PDZD4: variants seen among roughly 807,000 people sequenced by gnomAD.
PDZD4 encodes the protein PDZ domain-containing protein 4.
In PDZD4, 9 loss-of-function variants were observed where a neutral mutation model predicts 38.5. The ratio of observed to expected loss-of-function variants is 0.23; its 90% CI spans 0.14 to 0.41. The LOEUF (loss-of-function observed/expected upper bound fraction) is 0.41. Among genes scored for constraint, PDZD4 ranks in the 10% least tolerant of loss-of-function variants. The pLI, the probability that PDZD4 is intolerant of heterozygous loss-of-function variation, is 1.00. For synonymous variants in PDZD4, 349 were observed against 315.7 expected (o/e 1.11, Z -1.12); for missense variants, 612 against 722.0 (o/e 0.85, Z 1.75).
chrX:153,803,033 C>A lies in PDZD4; in HGVS notation c.*320G>T. The A allele has an allele frequency of 5.1e-6, 1 of 194,951 alleles. No homozygotes were observed. Among genetic ancestry groups the A allele is most frequent in the Non-Finnish European group, 9.5e-6 (1 of 105,343 alleles). The allele number at this position is 194,951 out of a possible 1,213,427, so 16.1% of individuals were successfully genotyped here. A position where few individuals can be genotyped will look rare whatever the true frequency, so the allele number is the denominator to read the frequency against. Reference sequence around the variant, plus strand: ...AGAGCACTGGGTGTGTGTGTGCGTGCACGTGCAAGCACACGCAAGAGCATG... The same window carrying A: ...AGAGCACTGGGTGTGTGTGTGCGTGAACGTGCAAGCACACGCAAGAGCATG... On this transcript the variant is annotated 3_prime_UTR_variant, in exon 8 of 8. Coordinates refer to ENST00000393758, the MANE Select transcript of PDZD4 (RefSeq NM_001303512.2).
In PDZD4 at chrX:153,804,409, C is replaced by T; in HGVS notation, c.1272G>A (p.Arg424=). The change falls in exon 8 of 8, where the codon CGG becomes CGA. Residue 424 remains arginine, a synonymous_variant. Transcript: ENST00000393758. Reference sequence around the variant, plus strand: ...CACGCAGCTGCTGCATCTTCTGCGCCCGCAGTATGTTGCGGCACTTGAATT... The same window carrying T: ...CACGCAGCTGCTGCATCTTCTGCGCTCGCAGTATGTTGCGGCACTTGAATT... ...HLEFKCRNIL[R]AQKMQQLRER... is the part of the protein sequence containing the mutation. The T allele has an allele frequency of 8.3e-7, 1 of 1,209,992 alleles. No individual in the cohort carries two copies.
rs2064485026 is a variant in PDZD4 at position 153,826,652 on chromosome X, G to C, written c.60+3587C>G. ...GTCTTGAACTCCTAAGCACAGGTGA[G>C]CCACCCGCCTTGGCCTCCCAAAGTG... On this transcript the variant is annotated intron_variant, in intron 1 of 7. Coordinates refer to ENST00000393758, the MANE Select transcript of PDZD4 (RefSeq NM_001303512.2). 3.6e-5 allele frequency among the ~76,000 whole-genome samples: 4 copies of C among 111,321 alleles called. No individual in the cohort carries two copies. In the Admixed American group the frequency reaches 3.8e-4, roughly 11 times the overall value.
chrX:153,809,580 C>T (rs1557078293), intron 1 of PDZD4, among the ~76,000 whole-genome samples: 1 of 112,749 alleles, frequency 8.9e-6, no homozygotes. Context: ...GAGCGAGACT[C>T]CGTCTCAAAG....
chrX:153,830,295 C>T lies in PDZD4; in HGVS notation c.4G>A (p.Gly2Arg). The change falls in exon 1 of 8, where the codon GGA (glycine) becomes AGA (arginine). Residue 2 changes from glycine (G) to arginine (R), a missense_variant. Gly to Arg is a moderately radical substitution (Grantham distance 125, BLOSUM62 -2). Around this residue, in one of 3 missense-constraint regions of PDZD4, gnomAD observed 225 missense variants for 311.0 expected, o/e 0.72. Transcript: ENST00000393758. ...TTCTGGACCACGCACATATTACATC[C>T]CATGTTGCTGGCCGGCGAGAGGAGG... MGCNMCVVQKPE... is the reference protein window; with the variant it reads MRCNMCVVQKPE... The T allele has an allele frequency of 8.3e-7, 1 of 1,201,402 alleles. No individual in the cohort carries two copies. Among genetic ancestry groups the T allele is most frequent in the Non-Finnish European group, 1.1e-6 (1 of 890,431 alleles).
rs781886187 is a variant in PDZD4, at chrX:153,805,643, G to A, written c.568-37C>T. 5 of 1,133,477 alleles carry A rather than the reference G, an allele frequency of 4.4e-6. No individual in the cohort carries two copies. The South Asian group carries it at 9.0e-5, about 20-fold the overall frequency. 93.4% of individuals were successfully genotyped at this position (1,133,477 alleles called of 1,213,427 possible). On this transcript the variant is annotated intron_variant, in intron 5 of 7. Coordinates refer to ENST00000393758, the MANE Select transcript of PDZD4 (RefSeq NM_001303512.2). ...AGGATACAATCAACAAGCATGCTAG[G>A]GCTGGCCCTGGGGCGGACCCTGGGC...
chrX:153,830,425 A>T lies in PDZD4; in HGVS notation c.-127T>A. 1 of 421,192 alleles carries T rather than the reference A, an allele frequency of 2.4e-6. No individual in the cohort carries two copies. Among genetic ancestry groups the T allele is most frequent in the Non-Finnish European group, 3.9e-6 (1 of 256,622 alleles). The allele number at this position is 421,192 out of a possible 1,213,427, so 34.7% of individuals were successfully genotyped here. A position where few individuals can be genotyped will look rare whatever the true frequency, so the allele number is the denominator to read the frequency against. Reference sequence around the variant, plus strand: ...CCCTGGCGCGGGGGGCGGGCCGCCTAGCGGGGGAGGGGGGCACGCCCCCGA... The same window carrying T: ...CCCTGGCGCGGGGGGCGGGCCGCCTTGCGGGGGAGGGGGGCACGCCCCCGA... On this transcript the variant is annotated 5_prime_UTR_variant, in exon 1 of 8. The change abolishes the stop of an existing upstream ORF in the 5' untranslated region. Transcript: ENST00000393758.
rs2092195594 is a variant in PDZD4, at chrX:153,804,034, C to T, written c.1647G>A (p.Glu549=). ...DPEAGRRQHA[E]ERGRRNPKTG... Reference sequence around the variant, plus strand: ...TCTTGGGGTTGCGGCGGCCGCGCTCCTCCGCGTGCTGCCTCCGGCCGGCCT... The same window carrying T: ...TCTTGGGGTTGCGGCGGCCGCGCTCTTCCGCGTGCTGCCTCCGGCCGGCCT... Residue 549 remains glutamate (E), a synonymous_variant, in exon 8 of 8, where the codon GAG becomes GAA. Coordinates refer to ENST00000393758, the MANE Select transcript of PDZD4 (RefSeq NM_001303512.2). 4.3e-6 allele frequency: 5 copies of T among 1,159,008 alleles called. No individual in the cohort carries two copies. In the South Asian group the frequency reaches 9.6e-5, roughly 22 times the overall value.
intron 1 of PDZD4, 188 bp downstream of exon 1, chrX:153,830,051 C>A (rs1365359809): frequency 4.5e-5 from 26 of 573,833 alleles, no homozygotes; most frequent in Non-Finnish European, 6.1e-5. Flanking sequence ...CAACTTCCCA[C>A]CCCACCCGTG....
At chrX:153,819,377 T>C (rs937182659) in intron 1 of PDZD4, among the ~76,000 whole-genome samples, 1 of 112,768 alleles carries the variant, frequency 8.9e-6, no homozygotes, top group Non-Finnish European at 1.9e-5. Context: ...AAGAAAACAG[T>C]TGTGGCCTGG....
At chrX:153,814,244 C>T (rs2064336688) in intron 1 of PDZD4, among the ~76,000 whole-genome samples, 1 of 111,565 alleles carries the variant, frequency 9.0e-6, no homozygotes, top group African/African-American at 3.3e-5. Flanking sequence ...GAGGCCAAGG[C>T]AGGCAGATCA....
intron 1 of PDZD4, among the ~76,000 whole-genome samples, chrX:153,814,688 T>C (rs1457790531): frequency 9.0e-6 from 1 of 111,185 alleles, no homozygotes; most frequent in Non-Finnish European, 1.9e-5. Flanking sequence ...CCACTTTATC[T>C]TGCAACACTT....
At chrX:153,819,505 C>T (rs2064399235) in intron 1 of PDZD4, among the ~76,000 whole-genome samples, 1 of 112,183 alleles carries the variant, frequency 8.9e-6, no homozygotes, top group South Asian at 3.7e-4. Context: ...GTGGCTGCCA[C>T]GGAGGTGGGG....
In PDZD4 at chrX:153,804,529, G is replaced by C; in HGVS notation, c.1152C>G (p.Pro384=). The C allele has an allele frequency of 2.5e-6, 3 of 1,209,912 alleles. No homozygotes were observed. The highest frequency in any genetic ancestry group is 3.0e-5 in the East Asian group (1 of 33,867). ...ENGNQLGLLF[P]RASGGNSALD... ...GGGCGCTGTTGCCTCCGGAGGCCCG[G>C]GGAAAGAGGAGGCCCAGCTGGTTGC... The change falls in exon 8 of 8, where the codon CCC becomes CCG. Residue 384 remains proline, a synonymous_variant. Transcript: ENST00000393758.
In PDZD4 at chrX:153,825,421, G is replaced by A. The variant is rs142883883; in HGVS notation, c.60+4818C>T. Among the ~76,000 whole-genome samples the A allele has an allele frequency of 1.8e-4, 20 of 112,622 alleles. No individual in the cohort carries two copies. The East Asian group carries it at 5.3e-3, about 30-fold the overall frequency. Reference sequence around the variant, plus strand: ...TATATGACAAGGGGGCCTGGTGGCAGTGGAGGGACATGGGCTGCAGAAAAG... The same window carrying A: ...TATATGACAAGGGGGCCTGGTGGCAATGGAGGGACATGGGCTGCAGAAAAG... On this transcript the variant is annotated intron_variant, in intron 1 of 7. Coordinates refer to ENST00000393758, the MANE Select transcript of PDZD4 (RefSeq NM_001303512.2).
intron 1 of PDZD4, among the ~76,000 whole-genome samples, chrX:153,828,397 C>T (rs1331793999): frequency 2.7e-5 from 3 of 113,163 alleles, no homozygotes; most frequent in African/African-American, 9.6e-5. Context: ...CAAACTCCCA[C>T]GGTTTCAAAG....
intron 1 of PDZD4, among the ~76,000 whole-genome samples, chrX:153,826,466 C>T (rs1474495754): frequency 9.1e-6 from 1 of 109,559 alleles, no homozygotes; most frequent in African/African-American, 3.3e-5. Flanking sequence ...TGGAGTGCAG[C>T]GGTGCAATCT....
intron 1 of PDZD4, among the ~76,000 whole-genome samples, chrX:153,818,727 T>A (rs1569543696): frequency 9.0e-6 from 1 of 111,135 alleles, no homozygotes; most frequent in Non-Finnish European, 1.9e-5. Context: ...TCGACCTGCA[T>A]CGACACAGCC....
Position 153,806,748 on chromosome X carries a change from G to A in PDZD4, c.498C>T (p.Val166=), listed in dbSNP as rs782447726. Residue 166 remains valine (V), a synonymous_variant, in exon 4 of 8, where the codon GTC becomes GTT. Coordinates refer to ENST00000393758, the MANE Select transcript of PDZD4 (RefSeq NM_001303512.2). ...GGCATACCCGTCTGCATACCTCTCC[G>A]ACATAAATGCCCAGGTCCTCCTCGT... ...TDDEEDLGIY[V]GEVNPNSIAA... 1.5e-5 allele frequency: 18 copies of A among 1,208,580 alleles called. No homozygotes were observed. Among genetic ancestry groups the A allele is most frequent in the South Asian group, 5.3e-5 (3 of 56,735 alleles).
At chrX:153,819,701 A>T (rs1557080821) in intron 1 of PDZD4, among the ~76,000 whole-genome samples, 1 of 112,650 alleles carries the variant, frequency 8.9e-6, no homozygotes, top group Non-Finnish European at 1.9e-5. Flanking sequence ...TTCCAGGCCA[A>T]GTCAGGCATC....
Sources: gnomAD v4.1 joint callset for allele counts (sites outside exome capture counted in the v4.1 genomes callset) on GRCh38, gnomAD v4.1.1 for gene constraint, gnomAD v4.1.1 regional missense constraint, MANE v1.5 for transcripts, NCBI Gene and HGNC (gene_info 2026-07-23, HGNC 2026-07-21) for gene names.